DCDC1: variants seen among roughly 807,000 people sequenced by gnomAD.
The protein encoded by DCDC1 is doublecortin domain-containing protein 1.
Under a neutral mutation model 178.3 loss-of-function variants are expected in DCDC1, and 200 were observed. The observed-to-expected ratio is 1.12, with a 90% CI of 1.00 to 1.26. The LOEUF is 1.26. Ranked by LOEUF, DCDC1 falls within the 50% of genes most tolerant of loss-of-function variation. The pLI, the probability that DCDC1 is intolerant of heterozygous loss-of-function variation, is 0.00. For missense variants in DCDC1, 1,983 were observed against 1,749.2 expected, an observed-to-expected ratio of 1.13 and a Z score of -2.38; for synonymous variants, 690 against 604.8, an observed-to-expected ratio of 1.14 and a Z score of -2.07.
At chr11:31,064,868 G>A (rs1956159833) in intron 19 of DCDC1, among the ~76,000 whole-genome samples, 151 bp downstream of exon 19, 1 of 152,120 alleles carries the variant, frequency 6.6e-6, no homozygotes, top group Non-Finnish European at 1.5e-5. Context: ...TGTGCATATA[G>A]ATATTATATT....
At chr11:31,180,119 A>C (rs1033303877) in intron 9 of DCDC1, among the ~76,000 whole-genome samples, 3 of 152,214 alleles carry the variant, frequency 2.0e-5, no homozygotes, top group African/African-American at 7.2e-5. Context: ...TAGACACTGA[A>C]GGAACATACT....
At chr11:31,241,960 A>G (rs1412440139) in intron 8 of DCDC1, among the ~76,000 whole-genome samples, 1 of 151,938 alleles carries the variant, frequency 6.6e-6, no homozygotes, top group Non-Finnish European at 1.5e-5. Flanking sequence ...ACCTACTTGC[A>G]TTGTCCTGAT....
At chr11:30,878,145 G>A (rs375555959) in intron 38 of DCDC1, among the ~76,000 whole-genome samples, 3 of 152,014 alleles carry the variant, frequency 2.0e-5, no homozygotes, top group East Asian at 1.9e-4. Flanking sequence ...TGTAAAATGC[G>A]GAGGGTAATA....
intron 10 of DCDC1, among the ~76,000 whole-genome samples, chr11:31,129,282 T>C (rs922395100): frequency 1.3e-5 from 2 of 152,270 alleles, no homozygotes; most frequent in Middle Eastern, 3.4e-3. Flanking sequence ...GTTACATGCA[T>C]AGAAACAAGT....
At chr11:31,352,690 T>C (rs577388876) in intron 1 of DCDC1, among the ~76,000 whole-genome samples, 34 of 152,262 alleles carry the variant, frequency 2.2e-4, no homozygotes, top group African/African-American at 7.2e-4. Flanking sequence ...TGGAGAAATA[T>C]TACATCCACC....
intron 9 of DCDC1, among the ~76,000 whole-genome samples, chr11:31,168,676 A>ATGCAGCAC (rs1418240624): frequency 3.3e-5 from 5 of 152,156 alleles, no homozygotes; most frequent in Non-Finnish European, 7.3e-5. Flanking sequence ...TTTACCAGCT[A>ATGCAGCAC]TGCAGCACTA....
chr11:31,213,108 T>G (rs1395042569), intron 9 of DCDC1, among the ~76,000 whole-genome samples: 1 of 26,380 alleles, frequency 3.8e-5, no homozygotes, highest in Non-Finnish European at 1.1e-4. Context: ...AGCCTCTCTC[T>G]CTCTCTCTCT....
At chr11:31,020,369 C>A (rs1952789063) in intron 20 of DCDC1, among the ~76,000 whole-genome samples, 1 of 152,092 alleles carries the variant, frequency 6.6e-6, no homozygotes, top group Non-Finnish European at 1.5e-5. Flanking sequence ...GCCTCCTCAT[C>A]TCTCATGCTC....
chr11:31,260,552 G>A (rs1174870210), intron 8 of DCDC1, among the ~76,000 whole-genome samples: 11 of 152,194 alleles, frequency 7.2e-5, no homozygotes, highest in African/African-American at 2.7e-4. Flanking sequence ...TGACCTTGGA[G>A]TCAATTTAAT....
chr11:31,015,146 C>T (rs905188705), intron 20 of DCDC1, among the ~76,000 whole-genome samples: 29 of 152,076 alleles, frequency 1.9e-4, no homozygotes, highest in African/African-American at 6.5e-4. Context: ...ACGGGGGTTT[C>T]ACCGGTTTAG....
intron 38 of DCDC1, among the ~76,000 whole-genome samples, chr11:30,872,403 T>G (rs758892531): frequency 6.6e-6 from 1 of 152,188 alleles, no homozygotes; most frequent in Non-Finnish European, 1.5e-5. Context: ...CTCAATAATT[T>G]TACATTGATG....
chr11:31,075,107 C>G (rs1341650493), intron 18 of DCDC1, among the ~76,000 whole-genome samples: 2 of 152,148 alleles, frequency 1.3e-5, no homozygotes, highest in Non-Finnish European at 2.9e-5. Context: ...TCCATGTGTA[C>G]ACATTATTTA....
chr11:31,096,654 A>T (rs912834375), intron 15 of DCDC1, among the ~76,000 whole-genome samples: 9 of 152,084 alleles, frequency 5.9e-5, no homozygotes. Context: ...TCTACATAGA[A>T]CAGACACAGC....
chr11:31,075,716 G>C (rs548099509), intron 18 of DCDC1, among the ~76,000 whole-genome samples: 1 of 152,052 alleles, frequency 6.6e-6, no homozygotes, highest in East Asian at 1.9e-4. Context: ...CACGTCCTTC[G>C]CCCACTTTTT....
chr11:31,044,396 T>C lies in DCDC1; in HGVS notation c.2591+20073A>G, dbSNP rs533985883. 2.7e-5 allele frequency among the ~76,000 whole-genome samples: 4 copies of C among 145,500 alleles called. No homozygotes were observed. In the South Asian group the frequency reaches 6.4e-4, roughly 23 times the overall value. On this transcript the variant is annotated intron_variant, in intron 20 of 38. Transcript: ENST00000684477. ...GGAGGCTGAGGCAGGAGAATGGGCATGAACCCGGGAGGCGGAGCTTGCAGT... is the reference window on the plus strand; with the variant it reads ...GGAGGCTGAGGCAGGAGAATGGGCACGAACCCGGGAGGCGGAGCTTGCAGT...
chr11:31,023,944 T>C (rs1326259787), intron 20 of DCDC1, among the ~76,000 whole-genome samples: 1 of 152,026 alleles, frequency 6.6e-6, no homozygotes, highest in Non-Finnish European at 1.5e-5. Context: ...CACTAGTTGC[T>C]GGTTATATTA....
rs978211144 is a variant in DCDC1 at position 31,018,835 on chromosome 11, C to A, written c.2591+45634G>T. On this transcript the variant is annotated intron_variant, in intron 20 of 38. Coordinates refer to ENST00000684477, the MANE Select transcript of DCDC1 (RefSeq NM_001387274.1). ...CAGAGGGGATCAAAAAATGGAGGGG[C>A]CAGATAATTCTAAGATGTTGGCAAA... Among the ~76,000 whole-genome samples the A allele has an allele frequency of 3.3e-5, 5 of 151,988 alleles. No individual in the cohort carries two copies. The East Asian group carries it at 5.8e-4, about 18-fold the overall frequency.
At chr11:31,089,939 T>C (rs568245283) in intron 17 of DCDC1, among the ~76,000 whole-genome samples, 2 of 152,304 alleles carry the variant, frequency 1.3e-5, no homozygotes, top group East Asian at 3.9e-4. Context: ...ATTTTTCTCT[T>C]TAGTATAACT....
intron 26 of DCDC1, among the ~76,000 whole-genome samples, chr11:30,916,083 G>A (rs1365283191): frequency 6.6e-6 from 1 of 152,024 alleles, no homozygotes; most frequent in African/African-American, 2.4e-5. Context: ...GAGAAATAAA[G>A]GAATTCTATT....
Sources: allele counts gnomAD v4.1 joint callset (sites outside exome capture counted in the v4.1 genomes callset), GRCh38; gene constraint gnomAD v4.1.1; transcripts MANE v1.5; gene names NCBI Gene and HGNC (gene_info 2026-07-23, HGNC 2026-07-21).